ELL3: variants seen among roughly 807,000 people sequenced by gnomAD.
ELL3 encodes RNA polymerase II elongation factor ELL3.
Under a neutral mutation model 58.5 loss-of-function variants are expected in ELL3, and 48 were observed. The observed-to-expected ratio is 0.82, with a 90% CI of 0.65 to 1.04. The LOEUF (loss-of-function observed/expected upper bound fraction) is 1.04. ELL3 is among the 50% of genes least tolerant of loss of function. The pLI is 0.00. For missense variants in ELL3, 458 were observed against 478.4 expected, an observed-to-expected ratio of 0.96 and a Z score of 0.40; for synonymous variants, 174 against 173.2, an observed-to-expected ratio of 1.00 and a Z score of -0.04.
In ELL3 at chr15:43,776,170, G is replaced by T. The variant is rs761673078; in HGVS notation, c.169-19C>A. Reference sequence around the variant, plus strand: ...TCAGATACTGGGGGTGGAAGGAGACGGTAAGCCCCATGAAGTCAGCCCCTC... The same window carrying T: ...TCAGATACTGGGGGTGGAAGGAGACTGTAAGCCCCATGAAGTCAGCCCCTC... On this transcript the variant is annotated intron_variant, in intron 2 of 10. Transcript: ENST00000319359. The T allele has an allele frequency of 1.9e-6, 3 of 1,603,792 alleles. No individual in the cohort carries two copies. In the South Asian group the frequency reaches 3.3e-5, roughly 18 times the overall value.
chr15:43,776,404 C>A (rs1177711437), intron 2 of ELL3, 105 bp downstream of exon 2: 4 of 1,514,794 alleles, frequency 2.6e-6, no homozygotes, highest in Non-Finnish European at 3.6e-6. Flanking sequence ...CTACCTCAGA[C>A]CGTGACTACT....
chr15:43,774,335 G>A lies in ELL3; in HGVS notation c.885C>T (p.His295=). 1.2e-6 allele frequency: 2 copies of A among 1,614,210 alleles called. No homozygotes were observed. Among genetic ancestry groups the A allele is most frequent in the Non-Finnish European group, 1.7e-6 (2 of 1,180,022 alleles). The change falls in exon 9 of 11, where the codon CAC becomes CAT. Residue 295 remains histidine (H), a synonymous_variant. Coordinates refer to ENST00000319359, the MANE Select transcript of ELL3 (RefSeq NM_025165.3). ...PDYLLQYRAI[H]SAEQQHAYEQ... is the part of the protein sequence containing the mutation. The stretch of plus-strand genomic sequence containing the variant: ...CATAGGCATGTTGCTGTTCTGCACT[G>A]TGGATGGCCCTGTATTGCCTGCCAG...
In ELL3 at chr15:43,775,584, G is replaced by A. The variant is rs2086908785; in HGVS notation, c.510C>T (p.Ser170=). The A allele has an allele frequency of 3.1e-6, 5 of 1,614,088 alleles. No individual in the cohort carries two copies. Among genetic ancestry groups the A allele is most frequent in the Non-Finnish European group, 4.2e-6 (5 of 1,180,042 alleles). Residue 170 remains serine, a synonymous_variant, in exon 5 of 11, where the codon AGC becomes AGT. Transcript: ENST00000319359. ...ATCCTGGGAGTGACTGTCCTTGGTT[G>A]CTTGCCAGTGGATCTGACACTGACA... The part of the protein sequence containing the change: ...EEVSVSDPLA[S]NQGQSLPGSS...
chr15:43,775,999 T>C, intron 3 of ELL3, 40 bp downstream of exon 3: 1 of 1,612,504 alleles, frequency 6.2e-7, no homozygotes, highest in South Asian at 1.1e-5. Flanking sequence ...TCCCCCACTT[T>C]CCACAAACCC....
intron 6 of ELL3, among the ~76,000 whole-genome samples, chr15:43,775,103 A>G (rs1265639551): frequency 1.3e-5 from 2 of 151,904 alleles, no homozygotes; most frequent in African/African-American, 4.8e-5. Context: ...GAGTGAGAAT[A>G]AGAAAAAAAA....
chr15:43,772,773 T>C lies in ELL3; in HGVS notation c.*343A>G, dbSNP rs934411475. On this transcript the variant is annotated 3_prime_UTR_variant, in exon 11 of 11. Transcript: ENST00000319359. ...CCTTAGAGAGGCTACCAGGCTAAAA[T>C]TCACTTAGTTTGGTTTGTCTAATGT... 1 of 183,514 alleles carries C rather than the reference T, an allele frequency of 5.4e-6. No individual in the cohort carries two copies. The highest frequency in any genetic ancestry group is 2.3e-5 in the African/African-American group (1 of 42,766). 11.4% of individuals were successfully genotyped at this position (183,514 alleles called of 1,614,324 possible).
chr15:43,776,891 A>C lies in ELL3; in HGVS notation c.11T>G (p.Leu4Arg). ...GAGCTGTCCTCTCAGAGGCTCCTGG[A>C]GCTCCTCCATGGCGACGAGTTCGAG... The part of the protein sequence containing the change: MEE[L>R]QEPLRGQLRL... The change falls in exon 1 of 11, where the codon CTC becomes CGC. Residue 4 changes from leucine to arginine, a missense_variant. Leu to Arg is a moderately radical substitution (Grantham distance 102). Transcript: ENST00000319359. 1.1e-5 allele frequency: 17 copies of C among 1,611,078 alleles called. No individual in the cohort carries two copies. The highest frequency in any genetic ancestry group is 1.4e-5 in the Non-Finnish European group (17 of 1,179,808).
chr15:43,776,576 C>G, intron 1 of ELL3, 32 bp from the exon 2 acceptor site: 1 of 1,562,456 alleles, frequency 6.4e-7, no homozygotes, highest in African/African-American at 1.4e-5. Context: ...GACCGTTGAG[C>G]GCAGGTGAAG....
In ELL3 at chr15:43,776,919, C is replaced by G. The variant is rs529471225; in HGVS notation, c.-18G>C. Reference sequence around the variant, plus strand: ...TCCTCCATGGCGACGAGTTCGAGTGCAAGCAGCACGGGGGCCACAGGCGAG... The same window carrying G: ...TCCTCCATGGCGACGAGTTCGAGTGGAAGCAGCACGGGGGCCACAGGCGAG... On this transcript the variant is annotated 5_prime_UTR_variant, in exon 1 of 11. Transcript: ENST00000319359. 1 of 1,608,212 alleles carries G rather than the reference C, an allele frequency of 6.2e-7. No homozygotes were observed. The highest frequency in any genetic ancestry group is 8.5e-7 in the Non-Finnish European group (1 of 1,179,678).
chr15:43,776,401 A>C, intron 2 of ELL3, 108 bp downstream of exon 2: 44 of 1,508,216 alleles, frequency 2.9e-5, no homozygotes, highest in Non-Finnish European at 3.6e-5. Context: ...GAACTACCTC[A>C]GACCGTGACT....
chr15:43,773,491 G>A lies in ELL3; in HGVS notation c.1039-143C>T, dbSNP rs887902928. On this transcript the variant is annotated intron_variant, in intron 9 of 10. Coordinates refer to ENST00000319359, the MANE Select transcript of ELL3 (RefSeq NM_025165.3). ...GAGGTCAGGAGATCTTGACCATCCT[G>A]GCTAACACAGTGAAACCCGTCTCTA... 4 of 819,766 alleles carry A rather than the reference G, an allele frequency of 4.9e-6. No homozygotes were observed. The African/African-American group carries it at 5.2e-5, about 11-fold the overall frequency. 50.8% of individuals were successfully genotyped at this position (819,766 alleles called of 1,614,324 possible). A position where few individuals can be genotyped will look rare whatever the true frequency, so the allele number is the denominator to read the frequency against.
intron 4 of ELL3, 29 bp downstream of exon 4, chr15:43,775,692 CA>C: frequency 6.2e-7 from 1 of 1,614,064 alleles, no homozygotes; most frequent in Non-Finnish European, 8.5e-7. Context: ...CACCTTATCA[CA>C]ACTCCCTGCA....
In ELL3 at chr15:43,774,467, G is replaced by A. The variant is rs1167073459; in HGVS notation, c.866+9C>T. 1.3e-5 allele frequency: 21 copies of A among 1,613,952 alleles called. No homozygotes were observed. Among genetic ancestry groups the A allele is most frequent in the Admixed American group, 3.3e-5 (2 of 59,954 alleles). On this transcript the variant is annotated intron_variant, in intron 8 of 10. Transcript: ENST00000319359. ...GTCTTGATGAAATTGGAAAAAGCAA[G>A]GAACTCACAGGAGGTAGTCTGGTAT...
Position 43,775,821 on chromosome 15 carries a change from G to T in ELL3, c.384C>A (p.His128Gln), listed in dbSNP as rs138259199. 7.7e-5 allele frequency: 124 copies of T among 1,614,070 alleles called. No homozygotes were observed. Among genetic ancestry groups the T allele is most frequent in the Middle Eastern group, 3.3e-4 (2 of 6,084 alleles). The change falls in exon 4 of 11, where the codon CAC becomes CAA. Residue 128 changes from histidine to glutamine, a missense_variant. Coordinates refer to ENST00000319359, the MANE Select transcript of ELL3 (RefSeq NM_025165.3). ...SIPAPSSVQG[H>Q]NLTEDARHPE... ...GATGTCTGGCATCTTCAGTCAGGTT[G>T]TGTCCCTGAACTGATGATGGGGCTG...
intron 6 of ELL3, 24 bp downstream of exon 6, chr15:43,775,282 A>C (rs1567161669): frequency 1.3e-6 from 2 of 1,568,870 alleles, no homozygotes; most frequent in Non-Finnish European, 1.7e-6. Flanking sequence ...TTACAAAAAA[A>C]AAGCCCTTGC....
At chr15:43,773,913 A>C (rs2086896430) in intron 9 of ELL3, among the ~76,000 whole-genome samples, 1 of 152,108 alleles carries the variant, frequency 6.6e-6, no homozygotes, top group African/African-American at 2.4e-5. Context: ...GAGGCATGAG[A>C]ATCGCTTTAG....
At position 43,774,639 on chromosome 15, in the gene ELL3, C is replaced by T. The variant is rs1156707795; in HGVS notation, c.780G>A (p.Glu260=). ...QEGEDWEQED[E]DMDPRLEHSS... is the part of the protein sequence containing the mutation. ...TGTGTTCTAATCTGGGGTCCATGTC[C>T]TCATCTTCTTGCTCCCAATCTTCTC... The change falls in exon 7 of 11, where the codon GAG becomes GAA. Residue 260 remains glutamate (E), a synonymous_variant. Transcript: ENST00000319359. 1 of 1,614,134 alleles carries T rather than the reference C, an allele frequency of 6.2e-7. No individual in the cohort carries two copies. The highest frequency in any genetic ancestry group is 2.2e-5 in the East Asian group (1 of 44,884).
chr15:43,774,432 A>T (rs369611382), intron 8 of ELL3, 44 bp downstream of exon 8: 3 of 1,613,794 alleles, frequency 1.9e-6, no homozygotes. Context: ...GTATCTTAAT[A>T]TATGAACAAG....
intron 9 of ELL3, 144 bp from the exon 10 acceptor site, chr15:43,773,492 G>T: frequency 1.2e-6 from 1 of 821,094 alleles, no homozygotes; most frequent in Non-Finnish European, 1.9e-6. Context: ...GACCATCCTG[G>T]CTAACACAGT....
Sources: allele counts gnomAD v4.1 joint callset (sites outside exome capture counted in the v4.1 genomes callset), GRCh38; gene constraint gnomAD v4.1.1; transcripts MANE v1.5; gene names NCBI Gene and HGNC (gene_info 2026-07-23, HGNC 2026-07-21).